C5orf52: variants seen among roughly 807,000 people sequenced by gnomAD.
C5orf52 encodes the protein chromosome 5 open reading frame 52.
In C5orf52, 15 loss-of-function variants were observed where a neutral mutation model predicts 16.8. The observed-to-expected ratio is 0.89, with a 90% CI of 0.60 to 1.38. C5orf52 has a LOEUF of 1.38. Ranked by LOEUF, C5orf52 falls within the 40% of genes most tolerant of loss-of-function variation. C5orf52 has a pLI of 0.00. For missense variants in C5orf52, 206 were observed against 213.1 expected (o/e 0.97, Z 0.21); for synonymous variants, 83 against 87.2 (o/e 0.95, Z 0.27).
chr5:157,671,948 A>G, intron 1 of C5orf52, 122 bp downstream of exon 1: 1 of 613,644 alleles, frequency 1.6e-6, no homozygotes, highest in Non-Finnish European at 2.6e-6. Flanking sequence ...AGGATAGTCG[A>G]TTTCTCGTAG....
In C5orf52 at chr5:157,680,008, C is replaced by A; in HGVS notation, c.*9C>A. On this transcript the variant is annotated 3_prime_UTR_variant, in exon 3 of 3. Coordinates refer to ENST00000409999, the MANE Select transcript of C5orf52 (RefSeq NM_001145132.2). The stretch of plus-strand genomic sequence containing the variant: ...TACCACCACCAGTTTAAACTCCAGT[C>A]TCCCAAGAAAGGCCAACCACCCTAG... 6.5e-7 allele frequency: 1 copy of A among 1,550,364 alleles called. No individual in the cohort carries two copies. The highest frequency in any genetic ancestry group is 8.7e-7 in the Non-Finnish European group (1 of 1,146,516).
chr5:157,679,819 C>A, intron 2 of C5orf52, 22 bp from the exon 3 acceptor site: 2 of 1,543,024 alleles, frequency 1.3e-6, no homozygotes, highest in Non-Finnish European at 1.7e-6. Context: ...TTGATCCTAA[C>A]CTCACCTCTG....
intron 2 of C5orf52, among the ~76,000 whole-genome samples, chr5:157,679,066 A>G (rs1302079409): frequency 2.0e-5 from 3 of 151,922 alleles, no homozygotes; most frequent in African/African-American, 7.2e-5. Context: ...CCCAGGAGGC[A>G]GAGCTTGCAG....
chr5:157,673,220 C>G (rs1759830529), intron 1 of C5orf52, among the ~76,000 whole-genome samples: 1 of 151,790 alleles, frequency 6.6e-6, no homozygotes, highest in African/African-American at 2.4e-5. Context: ...GCCTGTGGTC[C>G]CAGTTACTCG....
chr5:157,672,418 A>G (rs1458828226), intron 1 of C5orf52, among the ~76,000 whole-genome samples: 3 of 152,064 alleles, frequency 2.0e-5, no homozygotes, highest in Admixed American at 6.5e-5. Flanking sequence ...AATGACCTTT[A>G]TTACTTGAAA....
chr5:157,671,458 G>A (rs1464806619), upstream of C5orf52: 9 of 627,404 alleles, frequency 1.4e-5, no homozygotes, highest in East Asian at 2.0e-4. Flanking sequence ...AACAGCCCCC[G>A]TCCCCTTCCC....
chr5:157,674,783 A>C (rs1182199909), intron 1 of C5orf52, among the ~76,000 whole-genome samples: 3 of 152,034 alleles, frequency 2.0e-5, no homozygotes, highest in African/African-American at 7.2e-5. Flanking sequence ...CAAAAAACAC[A>C]AAAAGGGTGA....
At chr5:157,675,050 C>T (rs1426770251) in intron 1 of C5orf52, 42 bp from the exon 2 acceptor site, 3 of 1,379,560 alleles carry the variant, frequency 2.2e-6, no homozygotes, top group Non-Finnish European at 3.0e-6. Flanking sequence ...GCCCAGGCCC[C>T]AACCGTCTGT....
intron 1 of C5orf52, 84 bp from the exon 2 acceptor site, chr5:157,675,008 C>G (rs898299907): frequency 6.3e-6 from 5 of 796,874 alleles, no homozygotes; most frequent in Non-Finnish European, 1.0e-5. Context: ...AAGCCTCAGC[C>G]ACTCCCTCAG....
intron 2 of C5orf52, among the ~76,000 whole-genome samples, chr5:157,678,887 C>T (rs1455486932): frequency 6.6e-6 from 1 of 151,996 alleles, no homozygotes; most frequent in African/African-American, 2.4e-5. Flanking sequence ...GTAATCTCAG[C>T]ACTTTGGGAG....
chr5:157,676,311 G>A (rs953063622), intron 2 of C5orf52, among the ~76,000 whole-genome samples: 1 of 152,078 alleles, frequency 6.6e-6, no homozygotes, highest in East Asian at 1.9e-4. Context: ...GACCTCAGGT[G>A]ATCCACCCAC....
chr5:157,674,945 C>A, intron 1 of C5orf52, 147 bp from the exon 2 acceptor site: 1 of 597,082 alleles, frequency 1.7e-6, no homozygotes, highest in Non-Finnish European at 3.0e-6. Context: ...TGGTTACTCC[C>A]CTGTTCTTTT....
Position 157,680,061 on chromosome 5 carries a change from C to A in C5orf52, c.*62C>A. 1.4e-6 allele frequency: 2 copies of A among 1,464,332 alleles called. No homozygotes were observed. Among genetic ancestry groups the A allele is most frequent in the South Asian group, 1.3e-5 (1 of 76,218 alleles). The allele number at this position is 1,464,332 out of a possible 1,614,324, so 90.7% of individuals were successfully genotyped here. On this transcript the variant is annotated 3_prime_UTR_variant, in exon 3 of 3. Transcript: ENST00000409999. ...CTGGCAAAGGGATCTGCCCCAGGGT[C>A]ACGATGACACCAGTGTGACCCGAGG...
intron 2 of C5orf52, among the ~76,000 whole-genome samples, chr5:157,678,258 A>C (rs1759943383): frequency 6.6e-6 from 1 of 152,154 alleles, no homozygotes; most frequent in Non-Finnish European, 1.5e-5. Flanking sequence ...GTCAATATTG[A>C]CTGGCCTTTA....
At chr5:157,679,006 C>T (rs865790699) in intron 2 of C5orf52, among the ~76,000 whole-genome samples, 10 of 151,696 alleles carry the variant, frequency 6.6e-5, no homozygotes, top group Admixed American at 6.6e-5. Flanking sequence ...TGGTGGCGGG[C>T]GCATGTAGTC....
In C5orf52 at chr5:157,675,200, G is replaced by A. The variant is rs1234417294; in HGVS notation, c.321G>A (p.Glu107=). 31 of 1,523,848 alleles carry A rather than the reference G, an allele frequency of 2.0e-5. No homozygotes were observed. Among genetic ancestry groups the A allele is most frequent in the African/African-American group, 2.8e-5 (2 of 71,786 alleles). The allele number at this position is 1,523,848 out of a possible 1,614,324, so 94.4% of individuals were successfully genotyped here. A position where few individuals can be genotyped will look rare whatever the true frequency, so the allele number is the denominator to read the frequency against. The change falls in exon 2 of 3, where the codon GAG becomes GAA. Residue 107 remains glutamate (E), a splice_region_variant and synonymous_variant. Transcript: ENST00000409999. Reference sequence around the variant, plus strand: ...TCACACAACGAATCTATGAGATGGAGGTAAAGTAGCCACAAGCTTTTGCAT... The same window carrying A: ...TCACACAACGAATCTATGAGATGGAAGTAAAGTAGCCACAAGCTTTTGCAT... ...NRITQRIYEM[E]VSALEKTKKK...
At chr5:157,678,043 T>G (rs1233712972) in intron 2 of C5orf52, among the ~76,000 whole-genome samples, 2 of 152,062 alleles carry the variant, frequency 1.3e-5, no homozygotes, top group Non-Finnish European at 2.9e-5. Flanking sequence ...GTAATGGGGC[T>G]GGATCAGAAT....
intron 2 of C5orf52, among the ~76,000 whole-genome samples, chr5:157,678,876 T>G (rs957042010): frequency 6.6e-6 from 1 of 152,104 alleles, no homozygotes; most frequent in Admixed American, 6.6e-5. Flanking sequence ...GGTTCATGCC[T>G]GTAATCTCAG....
chr5:157,679,232 C>T (rs1413017138), intron 2 of C5orf52, among the ~76,000 whole-genome samples: 1 of 152,146 alleles, frequency 6.6e-6, no homozygotes, highest in African/African-American at 2.4e-5. Flanking sequence ...TTAGTATCCT[C>T]TCCTGTAGCT....
Sources: allele counts gnomAD v4.1 joint callset (sites outside exome capture counted in the v4.1 genomes callset), GRCh38; gene constraint gnomAD v4.1.1; transcripts MANE v1.5; gene names NCBI Gene and HGNC (gene_info 2026-07-23, HGNC 2026-07-21).